SLC24A3: variants seen among roughly 807,000 people sequenced by gnomAD.
SLC24A3 encodes the protein sodium/potassium/calcium exchanger 3.
Under a neutral mutation model 75.8 loss-of-function variants are expected in SLC24A3, and 28 were observed. That is an observed-to-expected ratio of 0.37 (90% confidence interval 0.27 to 0.51). SLC24A3 has a LOEUF of 0.51. SLC24A3 is among the 20% of genes least tolerant of loss of function. The pLI is 0.94. For missense variants in SLC24A3, 663 were observed against 847.8 expected (o/e 0.78, Z 2.71); for synonymous variants, 372 against 334.1 (o/e 1.11, Z -1.24).
At chr20:19,333,646 T>A (rs1263177531) in intron 2 of SLC24A3, among the ~76,000 whole-genome samples, 1 of 151,040 alleles carries the variant, frequency 6.6e-6, no homozygotes, top group Non-Finnish European at 1.5e-5. Context: ...TGTGTGAGTG[T>A]GTGTGTGTGT....
At chr20:19,694,390 A>G (rs765876319) in intron 13 of SLC24A3, 1 of 152,252 alleles carries the variant, frequency 6.6e-6, no homozygotes, top group East Asian at 1.9e-4. Context: ...TATGAAAAAG[A>G]TATTTTGGTA....
intron 6 of SLC24A3, among the ~76,000 whole-genome samples, chr20:19,587,533 C>A (rs1335285796): frequency 6.6e-6 from 1 of 152,174 alleles, no homozygotes; most frequent in African/African-American, 2.4e-5. Flanking sequence ...ACTCTGGATG[C>A]CAACCTTTCC....
At chr20:19,432,102 C>A (rs5000168) in intron 2 of SLC24A3, among the ~76,000 whole-genome samples, 13,936 of 152,052 alleles carry the variant, frequency 0.092, 1,871 homozygotes, top group African/African-American at 0.29. Flanking sequence ...AAAGGCACCA[C>A]TGAGGTGACA....
intron 2 of SLC24A3, among the ~76,000 whole-genome samples, chr20:19,501,153 A>G (rs544626273): frequency 3.2e-4 from 49 of 152,268 alleles, no homozygotes; most frequent in African/African-American, 1.1e-3. Context: ...ATTGACTTAT[A>G]ATGGGTGATA....
At chr20:19,616,701 G>A (rs893156368) in intron 6 of SLC24A3, among the ~76,000 whole-genome samples, 51 of 152,058 alleles carry the variant, frequency 3.4e-4, no homozygotes, top group African/African-American at 1.2e-3. Flanking sequence ...AGATCTAGGG[G>A]CCATTTAGGA....
chr20:19,249,497 A>G (rs1294521402), intron 1 of SLC24A3, among the ~76,000 whole-genome samples: 4 of 152,232 alleles, frequency 2.6e-5, no homozygotes, highest in Non-Finnish European at 4.4e-5. Context: ...CCCCACGGTC[A>G]GCTGCTTCTT....
intron 3 of SLC24A3, 111 bp from the exon 4 acceptor site, chr20:19,579,889 T>G: frequency 1.3e-6 from 1 of 742,284 alleles, no homozygotes; most frequent in Non-Finnish European, 2.3e-6. Flanking sequence ...GTATTTAAGG[T>G]GTTGAATTCA....
intron 2 of SLC24A3, among the ~76,000 whole-genome samples, chr20:19,372,176 C>T (rs1986004220): frequency 1.3e-5 from 2 of 152,148 alleles, no homozygotes; most frequent in Non-Finnish European, 2.9e-5. Flanking sequence ...GGATTTTCAT[C>T]CAAGATGGAG....
At chr20:19,221,133 C>G (rs1041399834) in intron 1 of SLC24A3, among the ~76,000 whole-genome samples, 2 of 152,208 alleles carry the variant, frequency 1.3e-5, no homozygotes, top group African/African-American at 4.8e-5. Flanking sequence ...ACATAGCTCA[C>G]TGCAGCCTCA....
At chr20:19,301,451 G>A (rs1984195042) in intron 2 of SLC24A3, among the ~76,000 whole-genome samples, 1 of 152,114 alleles carries the variant, frequency 6.6e-6, no homozygotes, top group South Asian at 2.1e-4. Flanking sequence ...TTCCTTTGTA[G>A]CATCACCACA....
chr20:19,651,891 C>A (rs1422596160), intron 6 of SLC24A3, among the ~76,000 whole-genome samples: 11 of 150,120 alleles, frequency 7.3e-5, no homozygotes, highest in Admixed American at 7.3e-4. Context: ...ATGTCCTTAA[C>A]TTCTGGAATG....
intron 14 of SLC24A3, 35 bp from the exon 15 acceptor site, chr20:19,698,533 C>A (rs1304070745): frequency 5.9e-6 from 9 of 1,533,994 alleles, no homozygotes; most frequent in Non-Finnish European, 8.0e-6. Flanking sequence ...CCCTGGGTTC[C>A]CTTCCCTCTC....
At position 19,236,772 on chromosome 20, in the gene SLC24A3, A is replaced by G. The variant is rs147791118; in HGVS notation, c.142+23788A>G. Among the ~76,000 whole-genome samples, 15 of 152,244 alleles carry G rather than the reference A, an allele frequency of 9.9e-5. No homozygotes were observed. The East Asian group carries it at 2.1e-3, about 22-fold the overall frequency. On this transcript the variant is annotated intron_variant, in intron 1 of 16. Transcript: ENST00000328041. ...CCCTGTCTCAAAAACAAAACAAAAC[A>G]AACAAAAAACAAACAAACTTAACAT...
chr20:19,428,624 G>T (rs1051540883), intron 2 of SLC24A3, among the ~76,000 whole-genome samples: 3 of 152,216 alleles, frequency 2.0e-5, no homozygotes, highest in Non-Finnish European at 4.4e-5. Flanking sequence ...CTTTGAGTGG[G>T]CAGGATATGG....
At chr20:19,573,407 C>A (rs2031083649) in intron 3 of SLC24A3, among the ~76,000 whole-genome samples, 1 of 152,202 alleles carries the variant, frequency 6.6e-6, no homozygotes, top group Non-Finnish European at 1.5e-5. Flanking sequence ...TTCTCAGAAT[C>A]CTGGGTCAAT....
At chr20:19,383,858 G>A (rs1986225461) in intron 2 of SLC24A3, among the ~76,000 whole-genome samples, 1 of 152,138 alleles carries the variant, frequency 6.6e-6, no homozygotes, top group Non-Finnish European at 1.5e-5. Flanking sequence ...TCCATCATGA[G>A]CATGCCACCC....
At chr20:19,258,377 T>C (rs1266018077) in intron 1 of SLC24A3, among the ~76,000 whole-genome samples, 3 of 152,210 alleles carry the variant, frequency 2.0e-5, no homozygotes, top group African/African-American at 4.8e-5. Context: ...GGCATCTTTT[T>C]AGATGATAAT....
intron 6 of SLC24A3, among the ~76,000 whole-genome samples, chr20:19,593,038 C>T (rs749504717): frequency 5.3e-5 from 8 of 152,112 alleles, no homozygotes; most frequent in East Asian, 1.9e-4. Context: ...TCAGATGATC[C>T]GCCTGCCTCA....
chr20:19,603,073 C>G (rs2031548573), intron 6 of SLC24A3, among the ~76,000 whole-genome samples: 1 of 152,224 alleles, frequency 6.6e-6, no homozygotes, highest in Non-Finnish European at 1.5e-5. Context: ...GTCCTGAAAT[C>G]ACACAGCGTG....
Sources: gnomAD v4.1 joint callset for allele counts (sites outside exome capture counted in the v4.1 genomes callset) on GRCh38, gnomAD v4.1.1 for gene constraint, MANE v1.5 for transcripts, NCBI Gene and HGNC (gene_info 2026-07-23, HGNC 2026-07-21) for gene names.